HOMER1: variants seen among roughly 807,000 people sequenced by gnomAD.
HOMER1 encodes homer scaffold protein 1.
A neutral mutation model predicts 48.9 loss-of-function variants in HOMER1; 3 were observed. The observed-to-expected ratio is 0.06, with a 90% CI of 0.03 to 0.16. HOMER1 has a LOEUF of 0.16. HOMER1 is among the 10% of genes least tolerant of loss of function. HOMER1 has a pLI of 1.00. For missense variants in HOMER1, 247 were observed against 411.4 expected, an observed-to-expected ratio of 0.60 and a Z score of 3.46; for synonymous variants, 134 against 146.4, an observed-to-expected ratio of 0.92 and a Z score of 0.61.
At chr5:79,381,317 T>G (rs1243298677) in intron 8 of HOMER1, among the ~76,000 whole-genome samples, 1 of 152,224 alleles carries the variant, frequency 6.6e-6, no homozygotes, top group African/African-American at 2.4e-5. Flanking sequence ...AAGTGCCCTG[T>G]GCATCCAATA....
chr5:79,501,786 A>AG (rs1429406487), intron 1 of HOMER1, among the ~76,000 whole-genome samples: 1 of 152,178 alleles, frequency 6.6e-6, no homozygotes, highest in African/African-American at 2.4e-5. Flanking sequence ...TACCTCCCAT[A>AG]GTCACAATTT....
At chr5:79,512,651 A>G in intron 1 of HOMER1, 119 bp downstream of exon 1, 1 of 930,058 alleles carries the variant, frequency 1.1e-6, no homozygotes, top group Non-Finnish European at 1.7e-6. Context: ...TCTTTAAAGT[A>G]TGACCAGCTT....
chr5:79,391,578 G>C (rs947473077), intron 8 of HOMER1, among the ~76,000 whole-genome samples: 3 of 151,534 alleles, frequency 2.0e-5, no homozygotes, highest in African/African-American at 7.3e-5. Flanking sequence ...CTCCGTCTCT[G>C]CTAAAAAAAT....
intron 8 of HOMER1, among the ~76,000 whole-genome samples, chr5:79,390,847 T>C (rs1190467483): frequency 1.3e-5 from 2 of 151,998 alleles, no homozygotes; most frequent in Non-Finnish European, 2.9e-5. Context: ...AGCTGTTGTA[T>C]GAAAAGGAAA....
chr5:79,445,306 GA>G (rs1380402401), intron 4 of HOMER1, among the ~76,000 whole-genome samples: 8 of 151,960 alleles, frequency 5.3e-5, no homozygotes, highest in Non-Finnish European at 1.2e-4. Context: ...CTACAGAGGA[GA>G]ACAGCCAAAA....
intron 1 of HOMER1, chr5:79,510,346 CACTT>C: frequency 2.0e-6 from 1 of 489,792 alleles, no homozygotes; most frequent in Non-Finnish European, 3.8e-6. Flanking sequence ...CTAACTTTCC[CACTT>C]TAAACAACAG....
At chr5:79,508,410 C>T (rs72766745) in intron 1 of HOMER1, among the ~76,000 whole-genome samples, 18,185 of 152,184 alleles carry the variant, frequency 0.12, 1,254 homozygotes, top group Admixed American at 0.2. Context: ...ATCTTTCCAA[C>T]GGGTCATAGC....
chr5:79,436,787 T>C (rs1185164930), intron 5 of HOMER1, among the ~76,000 whole-genome samples: 2 of 152,236 alleles, frequency 1.3e-5, no homozygotes, highest in Non-Finnish European at 1.5e-5. Flanking sequence ...CAGTGTTCTA[T>C]ACCTCAGGTG....
intron 8 of HOMER1, among the ~76,000 whole-genome samples, chr5:79,376,672 A>T (rs1325822719): frequency 6.6e-6 from 1 of 152,204 alleles, no homozygotes; most frequent in African/African-American, 2.4e-5. Context: ...CTAAAATGTG[A>T]TTTTAGGATC....
At chr5:79,405,474 T>C (rs938193704) in intron 5 of HOMER1, among the ~76,000 whole-genome samples, 6 of 152,210 alleles carry the variant, frequency 3.9e-5, no homozygotes, top group African/African-American at 1.4e-4. Flanking sequence ...ATGGATTATA[T>C]TTCCTGTTCT....
intron 5 of HOMER1, among the ~76,000 whole-genome samples, chr5:79,433,386 G>A (rs1422829460): frequency 1.3e-5 from 2 of 152,104 alleles, no homozygotes; most frequent in African/African-American, 4.8e-5. Flanking sequence ...TGGCTTACAT[G>A]CTGAAATCCT....
Position 79,465,584 on chromosome 5 carries a change from C to CTTTTTTT in HOMER1, c.6-8573_6-8567dup, listed in dbSNP as rs10666507. On this transcript the variant is annotated intron_variant, in intron 1 of 8. Transcript: ENST00000334082. ...AGTAACAGTACTGTTTACATTTCTT[C>CTTTTTTT]TTTTTTTTTTTTTTTTTTTTTTTTT... is the stretch of plus-strand genomic sequence containing the variant. 1.8e-4 allele frequency among the ~76,000 whole-genome samples: 14 copies of CTTTTTTT among 77,894 alleles called. 1 individual carries two copies. Among genetic ancestry groups the CTTTTTTT allele is most frequent in the African/African-American group, 5.5e-4 (9 of 16,486 alleles). 51.1% of individuals were successfully genotyped at this position (77,894 alleles called of 152,430 possible).
chr5:79,500,904 C>T (rs1469781763), intron 1 of HOMER1, among the ~76,000 whole-genome samples: 3 of 149,594 alleles, frequency 2.0e-5, no homozygotes, highest in African/African-American at 5.0e-5. Flanking sequence ...GGATTATAGG[C>T]GTGAGCCACT....
intron 8 of HOMER1, among the ~76,000 whole-genome samples, chr5:79,382,493 A>G (rs1309733873): frequency 1.3e-4 from 20 of 152,198 alleles, no homozygotes; most frequent in African/African-American, 4.6e-4. Context: ...GAATGGGGTG[A>G]TATATTCATA....
intron 8 of HOMER1, among the ~76,000 whole-genome samples, chr5:79,383,015 A>G (rs1481437240): frequency 1.3e-5 from 2 of 152,228 alleles, no homozygotes; most frequent in South Asian, 2.1e-4. Flanking sequence ...AGGCTTACAG[A>G]TCAAAAGTAA....
At chr5:79,478,576 C>A (rs1751853897) in intron 1 of HOMER1, among the ~76,000 whole-genome samples, 1 of 151,834 alleles carries the variant, frequency 6.6e-6, no homozygotes, top group African/African-American at 2.4e-5. Context: ...TGTCAAACAA[C>A]CTGGATCATT....
Position 79,422,794 on chromosome 5 carries a change from T to C in HOMER1, c.527+16216A>G, listed in dbSNP as rs144123493. Among the ~76,000 whole-genome samples the C allele has an allele frequency of 6.1e-3, 922 of 151,914 alleles. 6 individuals are homozygous for C. Among genetic ancestry groups the C allele is most frequent in the African/African-American group, 0.021 (881 of 41,454 alleles). Reference sequence around the variant, plus strand: ...TAGCATTTAAAGTTTTATACTAATATTGCTGAATAAATGGACTCTTAAAAG... The same window carrying C: ...TAGCATTTAAAGTTTTATACTAATACTGCTGAATAAATGGACTCTTAAAAG... On this transcript the variant is annotated intron_variant, in intron 5 of 8. Coordinates refer to ENST00000334082, the MANE Select transcript of HOMER1 (RefSeq NM_004272.5).
At chr5:79,479,751 T>TA (rs1235632270) in intron 1 of HOMER1, among the ~76,000 whole-genome samples, 1 of 152,230 alleles carries the variant, frequency 6.6e-6, no homozygotes, top group African/African-American at 2.4e-5. Context: ...GTAATAGTGA[T>TA]AAAAACCATC....
At chr5:79,407,439 A>C (rs1454222418) in intron 5 of HOMER1, among the ~76,000 whole-genome samples, 1 of 152,226 alleles carries the variant, frequency 6.6e-6, no homozygotes, top group Admixed American at 6.5e-5. Flanking sequence ...TAAAGGTGTT[A>C]GTGGAAAGAA....
Sources: allele counts gnomAD v4.1 joint callset (sites outside exome capture counted in the v4.1 genomes callset), GRCh38; gene constraint gnomAD v4.1.1; transcripts MANE v1.5; gene names NCBI Gene and HGNC (gene_info 2026-07-23, HGNC 2026-07-21).